UNC5C: variants seen among roughly 807,000 people sequenced by gnomAD.
UNC5C encodes the protein netrin receptor UNC5C.
Under a neutral mutation model 99.8 loss-of-function variants are expected in UNC5C, and 47 were observed. The observed-to-expected ratio is 0.47, with a 90% CI of 0.37 to 0.60. The LOEUF (loss-of-function observed/expected upper bound fraction) is 0.60. Among genes scored for constraint, UNC5C ranks in the 20% least tolerant of loss-of-function variants. The probability of loss-of-function intolerance (pLI) is 0.00; values close to 1 mark genes in which losing one functional copy is unlikely to be tolerated. For missense variants in UNC5C, 1,062 were observed against 1,165.9 expected (o/e 0.91, Z 1.30); for synonymous variants, 487 against 452.2 (o/e 1.08, Z -0.98).
chr4:95,194,501 G>A lies in UNC5C; in HGVS notation c.2136+8230C>T, dbSNP rs146043354. Among the ~76,000 whole-genome samples, 1,171 of 152,172 alleles carry A rather than the reference G, an allele frequency of 7.7e-3. 36 individuals carry two copies. Among genetic ancestry groups the A allele is most frequent in the Admixed American group, 0.046 (696 of 15,276 alleles). On this transcript the variant is annotated intron_variant, in intron 12 of 15. Transcript: ENST00000453304. Reference sequence around the variant, plus strand: ...GGGCTGCCCTCCTCTCCAGAGCCCCGAGAGGAGAATCTGTACTGGGTCTTC... The same window carrying A: ...GGGCTGCCCTCCTCTCCAGAGCCCCAAGAGGAGAATCTGTACTGGGTCTTC...
intron 2 of UNC5C, among the ~76,000 whole-genome samples, chr4:95,324,478 T>C (rs575954366): frequency 2.0e-5 from 3 of 152,314 alleles, no homozygotes; most frequent in African/African-American, 7.2e-5. Flanking sequence ...AAATGTAATG[T>C]ACTTGAATCA....
chr4:95,303,222 C>T (rs1374220504), intron 2 of UNC5C, among the ~76,000 whole-genome samples: 1 of 152,170 alleles, frequency 6.6e-6, no homozygotes, highest in Non-Finnish European at 1.5e-5. Flanking sequence ...ATCAGTATCA[C>T]CTGGGAACCT....
intron 7 of UNC5C, among the ~76,000 whole-genome samples, chr4:95,232,552 A>G (rs1026659516): frequency 5.9e-5 from 9 of 152,294 alleles, no homozygotes; most frequent in African/African-American, 2.2e-4. Flanking sequence ...GAAGGAGCCC[A>G]TGCTTTGCTG....
In UNC5C at chr4:95,169,098, C is replaced by T. The variant is rs1735978467; in HGVS notation, c.*136G>A. 4 of 1,092,544 alleles carry T rather than the reference C, an allele frequency of 3.7e-6. No individual in the cohort carries two copies. Among genetic ancestry groups the T allele is most frequent in the Admixed American group, 4.6e-5 (2 of 43,910 alleles). The allele number at this position is 1,092,544 out of a possible 1,614,324, so 67.7% of individuals were successfully genotyped here. ...GTACATGGGCAGTTGTATCTGTTTTCCTTCTGGCTCCTGCTGCAGTCTTGC... is the reference window on the plus strand; with the variant it reads ...GTACATGGGCAGTTGTATCTGTTTTTCTTCTGGCTCCTGCTGCAGTCTTGC... On this transcript the variant is annotated 3_prime_UTR_variant, in exon 16 of 16. Coordinates refer to ENST00000453304, the MANE Select transcript of UNC5C (RefSeq NM_003728.4).
intron 1 of UNC5C, among the ~76,000 whole-genome samples, chr4:95,400,065 T>C (rs1340306955): frequency 1.3e-5 from 2 of 152,334 alleles, no homozygotes; most frequent in African/African-American, 4.8e-5. Flanking sequence ...TAGCCAATCA[T>C]TTGCATATAT....
intron 7 of UNC5C, among the ~76,000 whole-genome samples, chr4:95,231,154 T>C (rs1421727353): frequency 6.6e-6 from 1 of 152,136 alleles, no homozygotes; most frequent in Admixed American, 6.5e-5. Flanking sequence ...TGTCTGGGCA[T>C]TAAAACCTTG....
Position 95,164,448 on chromosome 4 carries a change from A to C in UNC5C, c.*4786T>G, listed in dbSNP as rs944859900. On this transcript the variant is annotated 3_prime_UTR_variant, in exon 16 of 16. Coordinates refer to ENST00000453304, the MANE Select transcript of UNC5C (RefSeq NM_003728.4). ...AGAGAAACATTACTTCATTGCCCAG[A>C]GGCAAAGTTCTAAAGATTTCAGTCA... The C allele has an allele frequency of 2.2e-4, 34 of 152,220 alleles. No individual in the cohort carries two copies. Among genetic ancestry groups the C allele is most frequent in the Admixed American group, 1.0e-3 (16 of 15,282 alleles). The allele number at this position is 152,220 out of a possible 1,614,324, so 9.4% of individuals were successfully genotyped here.
intron 1 of UNC5C, among the ~76,000 whole-genome samples, chr4:95,473,001 C>G (rs1748021552): frequency 6.6e-6 from 1 of 151,578 alleles, no homozygotes; most frequent in Non-Finnish European, 1.5e-5. Flanking sequence ...ATAAAAAGAT[C>G]ACAAATTAGT....
intron 1 of UNC5C, among the ~76,000 whole-genome samples, chr4:95,427,234 T>C (rs974538618): frequency 2.6e-5 from 4 of 152,200 alleles, no homozygotes; most frequent in African/African-American, 9.6e-5. Context: ...GCAAGGAAAG[T>C]AGTTTCCAGT....
intron 1 of UNC5C, among the ~76,000 whole-genome samples, chr4:95,546,411 T>G (rs2149498019): frequency 6.6e-6 from 1 of 152,188 alleles, no homozygotes; most frequent in East Asian, 1.9e-4. Flanking sequence ...TAGTAGCTGA[T>G]AGTGGAGTTT....
chr4:95,541,971 C>T (rs527801213), intron 1 of UNC5C, among the ~76,000 whole-genome samples: 179 of 152,226 alleles, frequency 1.2e-3, no homozygotes, highest in African/African-American at 4.0e-3. Flanking sequence ...TTCACATCGT[C>T]AGTTAGAAGA....
chr4:95,175,730 T>C lies in UNC5C; in HGVS notation c.2452-5398A>G, dbSNP rs535112447. Reference sequence around the variant, plus strand: ...TCTGACAATTATGTGTCTTGGACTTTCTCTTCTTGAGGAGTATCTTTGTGG... The same window carrying C: ...TCTGACAATTATGTGTCTTGGACTTCCTCTTCTTGAGGAGTATCTTTGTGG... On this transcript the variant is annotated intron_variant, in intron 14 of 15. Coordinates refer to ENST00000453304, the MANE Select transcript of UNC5C (RefSeq NM_003728.4). Among the ~76,000 whole-genome samples the C allele has an allele frequency of 2.2e-3, 337 of 152,236 alleles. 3 individuals are homozygous for C. The highest frequency in any genetic ancestry group is 3.8e-3 in the Non-Finnish European group (257 of 67,964).
chr4:95,508,650 T>A (rs1233172111), intron 1 of UNC5C, among the ~76,000 whole-genome samples: 1 of 151,942 alleles, frequency 6.6e-6, no homozygotes, highest in Non-Finnish European at 1.5e-5. Context: ...TTTCAGTGAC[T>A]TACTCAAGTC....
intron 1 of UNC5C, among the ~76,000 whole-genome samples, chr4:95,416,301 G>A (rs1440475996): frequency 2.0e-5 from 3 of 152,028 alleles, no homozygotes; most frequent in East Asian, 3.9e-4. Flanking sequence ...TGCTTACATC[G>A]TGATGTGCAC....
intron 1 of UNC5C, among the ~76,000 whole-genome samples, chr4:95,492,445 T>C (rs1578193426): frequency 1.3e-5 from 2 of 151,500 alleles, no homozygotes; most frequent in East Asian, 3.9e-4. Context: ...AGCTGCTCTC[T>C]TGCAGCCTTA....
At chr4:95,292,129 G>A (rs1408836021) in intron 3 of UNC5C, among the ~76,000 whole-genome samples, 4 of 149,734 alleles carry the variant, frequency 2.7e-5, no homozygotes, top group Admixed American at 1.3e-4. Context: ...TAACACATAA[G>A]GCCACAAATC....
intron 4 of UNC5C, among the ~76,000 whole-genome samples, chr4:95,261,794 C>T (rs891266039): frequency 8.6e-5 from 13 of 151,772 alleles, no homozygotes; most frequent in Admixed American, 3.9e-4. Context: ...ACAACTGCCT[C>T]CTGGGTTCAA....
Position 95,478,223 on chromosome 4 carries a change from G to A in UNC5C, c.124+70511C>T, listed in dbSNP as rs372914324. Among the ~76,000 whole-genome samples the A allele has an allele frequency of 5.6e-4, 85 of 151,756 alleles. 1 individual carries two copies. Among genetic ancestry groups the A allele is most frequent in the African/African-American group, 2.0e-3 (81 of 41,364 alleles). ...ACCCTATCCATTATGGATAGCATCA[G>A]TTTTTTTACTCTAGTAATCCTTGCC... On this transcript the variant is annotated intron_variant, in intron 1 of 15. Coordinates refer to ENST00000453304, the MANE Select transcript of UNC5C (RefSeq NM_003728.4).
chr4:95,280,969 T>G (rs1741036236), intron 3 of UNC5C, among the ~76,000 whole-genome samples: 1 of 152,184 alleles, frequency 6.6e-6, no homozygotes. Context: ...GTGGCTTCTC[T>G]TGTTTTTTTG....
Sources: gnomAD v4.1 joint callset for allele counts (sites outside exome capture counted in the v4.1 genomes callset) on GRCh38, gnomAD v4.1.1 for gene constraint, MANE v1.5 for transcripts, NCBI Gene and HGNC (gene_info 2026-07-23, HGNC 2026-07-21) for gene names.